Variants in MACF1 observed in about 807,000 individuals in gnomAD.
MACF1 encodes the protein microtubule-actin cross-linking factor 1.
A neutral mutation model predicts 854.8 loss-of-function variants in MACF1; 193 were observed. The ratio of observed to expected loss-of-function variants is 0.23; its 90% CI spans 0.20 to 0.25. The LOEUF is 0.25. Ranked by LOEUF, MACF1 falls within the 10% of genes least tolerant of loss-of-function variation. The pLI, the probability that MACF1 is intolerant of heterozygous loss-of-function variation, is 1.00. For missense variants in MACF1, 7,722 were observed against 8,929.1 expected (o/e 0.86, Z 5.45); for synonymous variants, 3,185 against 3,226.7 (o/e 0.99, Z 0.44).
intron 1 of MACF1, among the ~76,000 whole-genome samples, chr1:39,207,147 C>G (rs147511132): frequency 9.9e-4 from 151 of 152,100 alleles, no homozygotes; most frequent in Non-Finnish European, 1.9e-3. Flanking sequence ...TAATTCATCT[C>G]TATGTAGTAA....
rs34930273 is a variant in MACF1 at position 39,307,901 on chromosome 1, C to CTT, written c.2790-1649_2790-1648dup. ...TTATTTCTCTTTTCTTTCTTTCTTT[C>CTT]TTTTTTTTTTTTTTTTTTTTTGAGA... On this transcript the variant is annotated intron_variant, in intron 23 of 100. Coordinates refer to ENST00000564288, the MANE Select transcript of MACF1 (RefSeq NM_001394062.1). 5.6e-3 allele frequency among the ~76,000 whole-genome samples: 281 copies of CTT among 50,388 alleles called. 17 individuals are homozygous for CTT. The Admixed American group carries it at 0.063, about 11-fold the overall frequency. The allele number at this position is 50,388 out of a possible 152,430, so 33.1% of individuals were successfully genotyped here.
At chr1:39,258,180 T>A in intron 6 of MACF1, 152 bp downstream of exon 6, 1 of 708,996 alleles carries the variant, frequency 1.4e-6, no homozygotes, top group African/African-American at 1.8e-5. Flanking sequence ...TTAAGATTGA[T>A]CTGCAGACAA....
chr1:39,230,859 C>T lies in MACF1; in HGVS notation c.110-323C>T, dbSNP rs147405142. Among the ~76,000 whole-genome samples the T allele has an allele frequency of 1.2e-3, 184 of 152,280 alleles. 1 individual carries two copies. Among genetic ancestry groups the T allele is most frequent in the African/African-American group, 4.4e-3 (181 of 41,568 alleles). ...GCCACCCTGTCTGTTGGTGGTATCA[C>T]GGCTTTGGCTTTTTGAAGCTTGTTG... is the stretch of plus-strand genomic sequence containing the variant. On this transcript the variant is annotated intron_variant, in intron 1 of 100. Transcript: ENST00000564288.
chr1:39,407,657 C>T (rs559865196), intron 58 of MACF1, among the ~76,000 whole-genome samples: 1 of 152,312 alleles, frequency 6.6e-6, no homozygotes, highest in South Asian at 2.1e-4. Context: ...CAGGCTTCAG[C>T]GCACTTCTCA....
chr1:39,309,714 AC>A lies in MACF1; in HGVS notation c.2916+22del. 6.2e-7 allele frequency: 1 copy of A among 1,601,700 alleles called. No homozygotes were observed. The highest frequency in any genetic ancestry group is 8.5e-7 in the Non-Finnish European group (1 of 1,176,258). ...TAGAAAAGGTAATTATGAAAACCTT[AC>A]CCCAGGCTTACATTCCATTGGCAAG... is the stretch of plus-strand genomic sequence containing the variant. On this transcript the variant is annotated intron_variant, in intron 24 of 100. Transcript: ENST00000564288.
intron 40 of MACF1, among the ~76,000 whole-genome samples, chr1:39,342,283 T>C (rs1646951645): frequency 6.6e-6 from 1 of 152,182 alleles, no homozygotes; most frequent in African/African-American, 2.4e-5. Flanking sequence ...CCACATTTTC[T>C]TTATCCAGTG....
intron 96 of MACF1, 107 bp downstream of exon 96, chr1:39,468,839 G>A: frequency 2.0e-6 from 2 of 1,018,498 alleles, no homozygotes; most frequent in South Asian, 2.8e-5. Flanking sequence ...TTTTTATTTT[G>A]TTAAGCTGCC....
At chr1:39,417,218 A>C (rs1218575435) in intron 58 of MACF1, among the ~76,000 whole-genome samples, 2 of 152,352 alleles carry the variant, frequency 1.3e-5, no homozygotes, top group East Asian at 3.9e-4. Context: ...GTAGAACTAA[A>C]ATGCCAAAAA....
intron 2 of MACF1, among the ~76,000 whole-genome samples, chr1:39,159,972 G>A (rs187156352): frequency 5.3e-5 from 8 of 152,246 alleles, no homozygotes; most frequent in African/African-American, 1.9e-4. Context: ...ACTATCTGTT[G>A]AAGAACTCTG....
intron 52 of MACF1, among the ~76,000 whole-genome samples, chr1:39,376,903 T>C (rs1248939289): frequency 6.6e-6 from 1 of 152,050 alleles, no homozygotes; most frequent in African/African-American, 2.4e-5. Flanking sequence ...TTTTAATATT[T>C]TTTTGTAGAG....
intron 49 of MACF1, among the ~76,000 whole-genome samples, chr1:39,366,646 C>T (rs1038283798): frequency 2.0e-5 from 3 of 149,524 alleles, no homozygotes; most frequent in South Asian, 2.1e-4. Context: ...TTAACTACTT[C>T]GTTGTTTGAT....
chr1:39,226,338 T>C (rs939422373), intron 1 of MACF1, among the ~76,000 whole-genome samples: 3 of 150,312 alleles, frequency 2.0e-5, no homozygotes, highest in African/African-American at 7.3e-5. Flanking sequence ...AATTTATGGA[T>C]AGTATTTTTT....
chr1:39,170,136 T>A (rs1406100493), intron 2 of MACF1, among the ~76,000 whole-genome samples: 1 of 152,130 alleles, frequency 6.6e-6, no homozygotes, highest in Non-Finnish European at 1.5e-5. Flanking sequence ...TATACTTAAC[T>A]GAAATCTGTC....
intron 2 of MACF1, among the ~76,000 whole-genome samples, chr1:39,141,498 C>A (rs536653437): frequency 2.0e-5 from 3 of 152,186 alleles, no homozygotes; most frequent in Non-Finnish European, 4.4e-5. Flanking sequence ...TGGGCAAGTT[C>A]TTGAACCTTT....
intron 44 of MACF1, among the ~76,000 whole-genome samples, chr1:39,356,678 C>T (rs1010279303): frequency 6.6e-6 from 1 of 152,146 alleles, no homozygotes; most frequent in Non-Finnish European, 1.5e-5. Context: ...GCCAAACTTA[C>T]AATTTTTATA....
At chr1:39,407,148 G>A (rs1367253869) in intron 58 of MACF1, among the ~76,000 whole-genome samples, 1 of 152,196 alleles carries the variant, frequency 6.6e-6, no homozygotes, top group Non-Finnish European at 1.5e-5. Context: ...AACACCTCCA[G>A]GGTCAGGAAA....
At chr1:39,315,195 G>A (rs915364474) in intron 26 of MACF1, among the ~76,000 whole-genome samples, 1 of 151,728 alleles carries the variant, frequency 6.6e-6, no homozygotes. Context: ...CTGTCTCTTT[G>A]TATAAACATA....
At chr1:39,205,777 C>T (rs1644442950) in intron 1 of MACF1, among the ~76,000 whole-genome samples, 1 of 124,614 alleles carries the variant, frequency 8.0e-6, no homozygotes, top group South Asian at 2.9e-4. Context: ...CCTAGGGAAT[C>T]AGGCTTTGAT....
intron 58 of MACF1, chr1:39,410,193 T>C (rs986283414): frequency 2.0e-5 from 22 of 1,113,268 alleles, no homozygotes; most frequent in Middle Eastern, 2.3e-4. Flanking sequence ...TTATAACTTA[T>C]GTAGAATGCA....
Sources: gnomAD v4.1 joint callset for allele counts (sites outside exome capture counted in the v4.1 genomes callset) on GRCh38, gnomAD v4.1.1 for gene constraint, MANE v1.5 for transcripts, NCBI Gene and HGNC (gene_info 2026-07-23, HGNC 2026-07-21) for gene names.